ERLEC1: variants seen among roughly 807,000 people sequenced by gnomAD.
ERLEC1 encodes the protein ER lectin.
In ERLEC1, 47 loss-of-function variants were observed where a neutral mutation model predicts 68.0. The ratio of observed to expected loss-of-function variants is 0.69; its 90% confidence interval spans 0.55 to 0.88. ERLEC1 has a LOEUF of 0.88. Ranked by LOEUF, ERLEC1 falls within the 40% of genes least tolerant of loss-of-function variation. ERLEC1 has a pLI of 0.00. For synonymous variants in ERLEC1, 225 were observed against 203.2 expected, an observed-to-expected ratio of 1.11 and a Z score of -0.91; for missense variants, 567 against 583.8, an observed-to-expected ratio of 0.97 and a Z score of 0.30.
At chr2:53,814,426 GTTTT>G in intron 11 of ERLEC1, 113 bp from the exon 12 acceptor site, 1 of 563,986 alleles carries the variant, frequency 1.8e-6, no homozygotes, top group Admixed American at 3.4e-5. Flanking sequence ...TTATAGTCAG[GTTTT>G]TTTTTAACTA....
chr2:53,816,069 A>G (rs771619042), intron 13 of ERLEC1, among the ~76,000 whole-genome samples: 32 of 152,088 alleles, frequency 2.1e-4, no homozygotes, highest in Non-Finnish European at 2.9e-4. Flanking sequence ...GACTCAAGCA[A>G]TCCTCCCACC....
intron 8 of ERLEC1, among the ~76,000 whole-genome samples, chr2:53,807,160 C>T (rs1050018782): frequency 5.3e-5 from 8 of 152,194 alleles, no homozygotes; most frequent in African/African-American, 9.7e-5. Context: ...ATAGCACCTG[C>T]TTCTCTCTTT....
chr2:53,787,257 C>A lies in ERLEC1; in HGVS notation c.47C>A (p.Pro16Gln), dbSNP rs771298535. 29 of 1,607,550 alleles carry A rather than the reference C, an allele frequency of 1.8e-5. 1 individual carries two copies. The Middle Eastern group carries it at 8.2e-4, about 46-fold the overall frequency. Residue 16 changes from proline to glutamine, a missense_variant, in exon 1 of 14, where the codon CCG becomes CAG. Physicochemically the swap from Pro to Gln is moderately conservative, Grantham distance 76 (BLOSUM62 -1). Coordinates refer to ENST00000185150, the MANE Select transcript of ERLEC1 (RefSeq NM_015701.5). ...GGVRSLVPGG[P>Q]VLLVLCGLLE... The stretch of plus-strand genomic sequence containing the variant: ...GTACGGAGTCTGGTCCCGGGCGGGC[C>A]GGTGTTACTGGTCCTCTGCGGCCTC...
chr2:53,804,639 T>C (rs1333122607), intron 8 of ERLEC1, among the ~76,000 whole-genome samples: 2 of 152,122 alleles, frequency 1.3e-5, no homozygotes, highest in African/African-American at 4.8e-5. Flanking sequence ...GAGAATGAGG[T>C]AGCCATCCCC....
Position 53,809,290 on chromosome 2 carries a change from A to T in ERLEC1, c.1101+17A>T. The T allele has an allele frequency of 6.7e-7, 1 of 1,497,122 alleles. No homozygotes were observed. Among genetic ancestry groups the T allele is most frequent in the Non-Finnish European group, 8.9e-7 (1 of 1,121,596 alleles). 92.7% of individuals were successfully genotyped at this position (1,497,122 alleles called of 1,614,324 possible). ...TACCATGAGGTATAGAATAGCATTT[A>T]TATATCATTCTACCACTAGATGGTT... On this transcript the variant is annotated intron_variant, in intron 10 of 13. Coordinates refer to ENST00000185150, the MANE Select transcript of ERLEC1 (RefSeq NM_015701.5).
Position 53,801,840 on chromosome 2 carries a change from G to C in ERLEC1, c.877G>C (p.Glu293Gln). ...ILRVPFRRNK[E>Q]EDLQSTKEER... ...AAGGGTGCCTTTTAGGAGAAATAAA[G>C]AGGTATGAGAATTGTCTAATGATAG... The change falls in exon 8 of 14, where the codon GAG (glutamate) becomes CAG (glutamine). Residue 293 changes from glutamate (E) to glutamine (Q), a missense_variant and splice_region_variant. Glu to Gln is a conservative substitution (Grantham distance 29, BLOSUM62 2). Coordinates refer to ENST00000185150, the MANE Select transcript of ERLEC1 (RefSeq NM_015701.5). 1 of 1,612,396 alleles carries C rather than the reference G, an allele frequency of 6.2e-7. No individual in the cohort carries two copies. Among genetic ancestry groups the C allele is most frequent in the Non-Finnish European group, 8.5e-7 (1 of 1,179,244 alleles).
chr2:53,789,785 G>A (rs992063374), intron 1 of ERLEC1, among the ~76,000 whole-genome samples: 8 of 152,140 alleles, frequency 5.3e-5, no homozygotes, highest in African/African-American at 1.7e-4. Context: ...TTGGGAGGCC[G>A]AGCTGGGTGG....
chr2:53,787,434 C>G, intron 1 of ERLEC1, 62 bp downstream of exon 1: 1 of 1,522,540 alleles, frequency 6.6e-7, no homozygotes, highest in Non-Finnish European at 8.8e-7. Context: ...TCGGCCTCTT[C>G]CCTCGGTTTT....
intron 13 of ERLEC1, among the ~76,000 whole-genome samples, chr2:53,815,732 G>T (rs1469056171): frequency 6.6e-6 from 1 of 151,930 alleles, no homozygotes; most frequent in Admixed American, 6.6e-5. Flanking sequence ...GTTTTGTTTA[G>T]TTGATTTTTT....
At chr2:53,808,799 T>TA (rs1236828521) in intron 9 of ERLEC1, among the ~76,000 whole-genome samples, 17 of 151,556 alleles carry the variant, frequency 1.1e-4, no homozygotes, top group African/African-American at 2.7e-4. Context: ...CATCTCCCTT[T>TA]AAAAAAAAAG....
chr2:53,802,520 C>T (rs1385258246), intron 8 of ERLEC1, among the ~76,000 whole-genome samples: 2 of 152,196 alleles, frequency 1.3e-5, no homozygotes, highest in African/African-American at 2.4e-5. Context: ...AGAAACTGGT[C>T]TCTTAACACA....
At chr2:53,805,384 A>G (rs1676236329) in intron 8 of ERLEC1, among the ~76,000 whole-genome samples, 1 of 151,478 alleles carries the variant, frequency 6.6e-6, no homozygotes, top group South Asian at 2.1e-4. Context: ...CCCTTTTTTT[A>G]ATTAATTTTT....
intron 1 of ERLEC1, chr2:53,787,597 C>T (rs1675123432): frequency 4.6e-6 from 2 of 431,058 alleles, no homozygotes; most frequent in South Asian, 7.5e-5. Flanking sequence ...CACCTGCTCT[C>T]CACCTTTTCA....
At chr2:53,810,075 CCAAA>C (rs1011143980) in intron 10 of ERLEC1, among the ~76,000 whole-genome samples, 8 of 152,026 alleles carry the variant, frequency 5.3e-5, no homozygotes, top group African/African-American at 1.7e-4. Context: ...CCTCAAAAAA[CCAAA>C]CAAACAAAAA....
intron 10 of ERLEC1, among the ~76,000 whole-genome samples, chr2:53,809,553 C>G (rs1409645272): frequency 1.3e-5 from 2 of 152,088 alleles, no homozygotes; most frequent in African/African-American, 2.4e-5. Flanking sequence ...TTGCTTTGAT[C>G]AAGAAATTAA....
intron 1 of ERLEC1, among the ~76,000 whole-genome samples, chr2:53,790,087 G>A (rs957634149): frequency 1.3e-5 from 2 of 151,336 alleles, no homozygotes; most frequent in African/African-American, 4.9e-5. Flanking sequence ...TTTTTAATGG[G>A]CCAGTTGGTT....
At chr2:53,801,156 A>T (rs1005764830) in intron 6 of ERLEC1, among the ~76,000 whole-genome samples, 3 of 152,204 alleles carry the variant, frequency 2.0e-5, no homozygotes, top group African/African-American at 7.2e-5. Context: ...TTAACATGTT[A>T]ATTTTGGCAC....
chr2:53,787,245 T>G lies in ERLEC1; in HGVS notation c.35T>G (p.Val12Gly), dbSNP rs1573052672. 1 of 1,606,584 alleles carries G rather than the reference T, an allele frequency of 6.2e-7. No individual in the cohort carries two copies. The highest frequency in any genetic ancestry group is 8.5e-7 in the Non-Finnish European group (1 of 1,179,612). ...EEGGGGVRSLVPGGPVLLVLC... is the reference protein window; with the variant it reads ...EEGGGGVRSLGPGGPVLLVLC... ...GGAGGCGGCGGCGTACGGAGTCTGG[T>G]CCCGGGCGGGCCGGTGTTACTGGTC... Residue 12 changes from valine (V) to glycine (G), a missense_variant, in exon 1 of 14, where the codon GTC (valine) becomes GGC (glycine). By Grantham distance (109) the Val-to-Gly change is moderately radical. Coordinates refer to ENST00000185150, the MANE Select transcript of ERLEC1 (RefSeq NM_015701.5).
chr2:53,795,999 A>G lies in ERLEC1; in HGVS notation c.334A>G (p.Ser112Gly), dbSNP rs1343195588. Reference sequence around the variant, plus strand: ...TTTGGAGCCACTATTTAAACAAAGCAGTTGTTCCTACAGAGTATGTATTTT... The same window carrying G: ...TTTGGAGCCACTATTTAAACAAAGCGGTTGTTCCTACAGAGTATGTATTTT... ...ELLEPLFKQS[S>G]CSYRIESYWT... Residue 112 changes from serine (S) to glycine (G), a missense_variant, in exon 3 of 14, where the codon AGT becomes GGT. Physicochemically the swap from Ser to Gly is moderately conservative, Grantham distance 56 (BLOSUM62 0). Coordinates refer to ENST00000185150, the MANE Select transcript of ERLEC1 (RefSeq NM_015701.5). 1 of 1,601,606 alleles carries G rather than the reference A, an allele frequency of 6.2e-7. No individual in the cohort carries two copies. Among genetic ancestry groups the G allele is most frequent in the Admixed American group, 1.7e-5 (1 of 57,284 alleles).
Sources: allele counts gnomAD v4.1 joint callset (sites outside exome capture counted in the v4.1 genomes callset), GRCh38; gene constraint gnomAD v4.1.1; transcripts MANE v1.5; gene names NCBI Gene and HGNC (gene_info 2026-07-23, HGNC 2026-07-21).